PAK1: variants seen among roughly 807,000 people sequenced by gnomAD.
PAK1 encodes the protein p21 (RAC1) activated kinase 1.
In PAK1, 29 loss-of-function variants were observed where a neutral mutation model predicts 67.4. The observed-to-expected ratio is 0.43, with a 90% CI of 0.32 to 0.59. PAK1 has a LOEUF of 0.59. Ranked by LOEUF, PAK1 falls within the 20% of genes least tolerant of loss-of-function variation. PAK1 has a pLI of 0.07. For synonymous variants in PAK1, 223 were observed against 237.4 expected (o/e 0.94, Z 0.56); for missense variants, 337 against 670.7 (o/e 0.50, Z 5.50).
chr11:77,520,943 G>A, the PAK1 span, among the ~76,000 whole-genome samples: 2 of 152,152 alleles, frequency 1.3e-5, no homozygotes, highest in African/African-American at 4.8e-5. Flanking sequence ...GTGTTGAAGT[G>A]GCTTTCACCC....
At chr11:77,326,672 G>A (rs968761403) in intron 14 of PAK1, among the ~76,000 whole-genome samples, 14 of 152,168 alleles carry the variant, frequency 9.2e-5, no homozygotes, top group Non-Finnish European at 2.9e-5. Flanking sequence ...GCAACAGAGA[G>A]AGATCCTGTC....
chr11:77,428,609 G>A (rs1206303052), intron 1 of PAK1, among the ~76,000 whole-genome samples: 4 of 151,570 alleles, frequency 2.6e-5, no homozygotes, highest in Non-Finnish European at 5.9e-5. Flanking sequence ...AGATGATGAG[G>A]GCAGCCCAAC....
At chr11:77,383,321 A>ATTTTT (rs1162924725) in intron 2 of PAK1, among the ~76,000 whole-genome samples, 1 of 135,652 alleles carries the variant, frequency 7.4e-6, no homozygotes, top group African/African-American at 2.8e-5. Context: ...GTACTGTGTA[A>ATTTTT]TTTTTTTTTT....
chr11:77,453,287 G>C (rs963149492), intron 1 of PAK1, among the ~76,000 whole-genome samples: 1 of 152,130 alleles, frequency 6.6e-6, no homozygotes, highest in African/African-American at 2.4e-5. Flanking sequence ...CCAGGCAGCA[G>C]AGGTTTCAGT....
the PAK1 span, among the ~76,000 whole-genome samples, chr11:77,513,869 C>A: frequency 6.6e-6 from 1 of 152,048 alleles, no homozygotes; most frequent in Non-Finnish European, 1.5e-5. Context: ...TACTTATAGT[C>A]CCCTATTAGG....
intron 13 of PAK1, among the ~76,000 whole-genome samples, chr11:77,333,536 A>G (rs549422357): frequency 6.6e-6 from 1 of 152,058 alleles, no homozygotes; most frequent in Non-Finnish European, 1.5e-5. Context: ...AGGGTTTATT[A>G]TCCATTTAGC....
intron 1 of PAK1, among the ~76,000 whole-genome samples, chr11:77,470,235 C>A (rs1957786463): frequency 6.6e-6 from 1 of 152,110 alleles, no homozygotes; most frequent in Non-Finnish European, 1.5e-5. Flanking sequence ...AGCCCATGAC[C>A]TCTTAAAATT....
intron 1 of PAK1, among the ~76,000 whole-genome samples, chr11:77,439,954 C>T (rs1460818867): frequency 6.6e-6 from 1 of 152,136 alleles, no homozygotes; most frequent in Non-Finnish European, 1.5e-5. Context: ...AGTTAGAAAC[C>T]TAGTATGGAT....
At chr11:77,368,516 C>T (rs545575773) in intron 5 of PAK1, among the ~76,000 whole-genome samples, 31 of 152,072 alleles carry the variant, frequency 2.0e-4, no homozygotes, top group East Asian at 1.2e-3. Context: ...ATAATGTAGG[C>T]GTGGCATAGA....
At chr11:77,325,832 A>G (rs938653754) in intron 14 of PAK1, among the ~76,000 whole-genome samples, 9 of 152,238 alleles carry the variant, frequency 5.9e-5, no homozygotes, top group Non-Finnish European at 1.3e-4. Context: ...AGTATGTTCC[A>G]GAGGGTGATA....
At chr11:77,482,386 G>A in the PAK1 span, among the ~76,000 whole-genome samples, 2 of 151,986 alleles carry the variant, frequency 1.3e-5, no homozygotes, top group Non-Finnish European at 2.9e-5. Flanking sequence ...GATAAAAATT[G>A]TCTTTCTATT....
chr11:77,367,817 T>C (rs757904136), intron 5 of PAK1, among the ~76,000 whole-genome samples: 3 of 151,882 alleles, frequency 2.0e-5, no homozygotes, highest in Non-Finnish European at 2.9e-5. Context: ...TCTCTACTAA[T>C]ATACAAAAAA....
intron 1 of PAK1, among the ~76,000 whole-genome samples, chr11:77,406,014 C>T (rs1337600500): frequency 6.6e-6 from 1 of 152,196 alleles, no homozygotes; most frequent in East Asian, 1.9e-4. Context: ...GGGAAGTACA[C>T]TCACTTGGCT....
chr11:77,357,244 G>T (rs915033015), intron 6 of PAK1, among the ~76,000 whole-genome samples: 1 of 152,048 alleles, frequency 6.6e-6, no homozygotes, highest in Non-Finnish European at 1.5e-5. Flanking sequence ...ACTACATCCT[G>T]CACCTTGGAC....
At position 77,445,757 on chromosome 11, in the gene PAK1, T is replaced by TG. The variant is rs543770696; in HGVS notation, c.-22+27794dup. Among the ~76,000 whole-genome samples, 3 of 152,326 alleles carry TG rather than the reference T, an allele frequency of 2.0e-5. No homozygotes were observed. The South Asian group carries it at 6.2e-4, about 32-fold the overall frequency. ...ATCACATATAGAATCATGGACTGTTTGGGGCCAAGAGAGAGCTTAAAGATC... is the reference window on the plus strand; with the variant it reads ...ATCACATATAGAATCATGGACTGTTTGGGGGCCAAGAGAGAGCTTAAAGATC... On this transcript the variant is annotated intron_variant, in intron 1 of 14. Coordinates refer to ENST00000356341, the MANE Select transcript of PAK1 (RefSeq NM_002576.5).
intron 2 of PAK1, among the ~76,000 whole-genome samples, chr11:77,390,285 C>T (rs891838657): frequency 3.9e-5 from 6 of 151,930 alleles, no homozygotes; most frequent in Non-Finnish European, 5.9e-5. Context: ...CTGCAACCTC[C>T]GCCTCCCGGG....
chr11:77,521,721 A>T, the PAK1 span, among the ~76,000 whole-genome samples: 1 of 152,170 alleles, frequency 6.6e-6, no homozygotes, highest in African/African-American at 2.4e-5. Context: ...TGGCTTGGTT[A>T]GCTCCCTTGA....
chr11:77,349,123 CCA>C, intron 9 of PAK1, 114 bp downstream of exon 9: 1 of 636,868 alleles, frequency 1.6e-6, no homozygotes, highest in Non-Finnish European at 2.6e-6. Context: ...AGACCCCATC[CCA>C]AAAAAAAAAA....
At chr11:77,482,145 C>T in the PAK1 span, among the ~76,000 whole-genome samples, 915 of 152,014 alleles carry the variant, frequency 6.0e-3, 6 homozygotes, top group Non-Finnish European at 0.011. Flanking sequence ...CACCCCACCA[C>T]GCCCAGTTAA....
Sources: gnomAD v4.1 joint callset for allele counts (sites outside exome capture counted in the v4.1 genomes callset) on GRCh38, gnomAD v4.1.1 for gene constraint, MANE v1.5 for transcripts, NCBI Gene and HGNC (gene_info 2026-07-23, HGNC 2026-07-21) for gene names.